The following BRD9 variants were observed in gnomAD, a reference collection of about 807,000 sequenced individuals.
BRD9 encodes bromodomain containing 9.
A neutral mutation model predicts 68.7 loss-of-function variants in BRD9; 47 were observed. That is an observed-to-expected ratio of 0.68 (90% CI 0.54 to 0.87). The LOEUF (loss-of-function observed/expected upper bound fraction) is 0.87. Among genes scored for constraint, BRD9 ranks in the 40% least tolerant of loss-of-function variants. BRD9 has a pLI of 0.00. For synonymous variants in BRD9, 313 were observed against 293.9 expected, an observed-to-expected ratio of 1.06 and a Z score of -0.67; for missense variants, 670 against 748.4, an observed-to-expected ratio of 0.90 and a Z score of 1.22.
In BRD9 at chr5:864,274, T is replaced by C; in HGVS notation, c.*194A>G. 8.3e-6 allele frequency: 4 copies of C among 483,320 alleles called. No homozygotes were observed. The highest frequency in any genetic ancestry group is 5.8e-4 in the Middle Eastern group (1 of 1,712). 29.9% of individuals were successfully genotyped at this position (483,320 alleles called of 1,614,324 possible). A position where few individuals can be genotyped will look rare whatever the true frequency, so the allele number is the denominator to read the frequency against. On this transcript the variant is annotated 3_prime_UTR_variant, in exon 16 of 16. Transcript: ENST00000467963. ...ACGATGGCCATATGGCCTTCGCGTA[T>C]GACTCCACTCCTCAGGGTTCGTGGG...
chr5:890,254 C>T (rs1753165359), intron 3 of BRD9, among the ~76,000 whole-genome samples: 1 of 152,118 alleles, frequency 6.6e-6, no homozygotes, highest in Admixed American at 6.5e-5. Flanking sequence ...CTCAGAAGGC[C>T]ACCAGCTTTC....
At chr5:874,218 C>T (rs967800997) in intron 12 of BRD9, among the ~76,000 whole-genome samples, 7 of 152,360 alleles carry the variant, frequency 4.6e-5, no homozygotes, top group African/African-American at 1.7e-4. Flanking sequence ...CCACCTTAGC[C>T]TCCTGTGGAG....
At chr5:875,667 C>T (rs1750798492) in intron 12 of BRD9, among the ~76,000 whole-genome samples, 2 of 151,968 alleles carry the variant, frequency 1.3e-5, no homozygotes, top group Non-Finnish European at 1.5e-5. Context: ...TTTATAGCAA[C>T]AATGCAAGTC....
intron 13 of BRD9, among the ~76,000 whole-genome samples, chr5:871,088 C>A (rs996917685): frequency 6.6e-6 from 1 of 152,218 alleles, no homozygotes; most frequent in African/African-American, 2.4e-5. Context: ...TGGACCAAAG[C>A]CCAAGCCCAT....
rs767498953 is a variant in BRD9 at position 870,510 on chromosome 5, G to A, written c.1488C>T (p.Pro496=). Residue 496 remains proline (P), a synonymous_variant, in exon 14 of 16, where the codon CCC becomes CCT. Coordinates refer to ENST00000467963, the MANE Select transcript of BRD9 (RefSeq NM_023924.5). ...VLEFMSMKSY[P]DVSVDISMLS... is the part of the protein sequence containing the mutation. ...GCATGGAGATATCCACAGAAACGTC[G>A]GGATAGGACTTCATCGACATGAACT... 13 of 1,614,040 alleles carry A rather than the reference G, an allele frequency of 8.1e-6. No individual in the cohort carries two copies. The Admixed American group carries it at 8.3e-5, about 10-fold the overall frequency.
intron 11 of BRD9, among the ~76,000 whole-genome samples, chr5:876,788 T>C (rs931199150): frequency 6.6e-6 from 1 of 152,156 alleles, no homozygotes; most frequent in African/African-American, 2.4e-5. Flanking sequence ...TCCAAAGACC[T>C]TCACAGAGAG....
At chr5:889,442 C>T (rs1380999382) in intron 4 of BRD9, 145 bp downstream of exon 4, 18 of 912,812 alleles carry the variant, frequency 2.0e-5, no homozygotes, top group Admixed American at 8.3e-5. Flanking sequence ...ACTCTTCCTA[C>T]GCACCCCGAA....
At chr5:888,812 G>C (rs1215096177) in intron 5 of BRD9, among the ~76,000 whole-genome samples, 24 of 152,308 alleles carry the variant, frequency 1.6e-4, no homozygotes, top group Non-Finnish European at 4.4e-5. Flanking sequence ...CTAACAGCGT[G>C]CAACCTGACC....
chr5:882,751 GC>G (rs1194145999), intron 8 of BRD9, among the ~76,000 whole-genome samples: 2 of 145,400 alleles, frequency 1.4e-5, no homozygotes, highest in African/African-American at 5.1e-5. Flanking sequence ...CGCAAGCCAC[GC>G]AAACTGCAAC....
intron 12 of BRD9, among the ~76,000 whole-genome samples, chr5:873,233 A>G (rs1750412064): frequency 6.6e-6 from 1 of 152,174 alleles, no homozygotes; most frequent in Admixed American, 6.5e-5. Flanking sequence ...TGTCTTTCAG[A>G]AACCTGGACC....
chr5:883,773 G>T (rs761817017), intron 8 of BRD9, 165 bp downstream of exon 8: 9 of 997,870 alleles, frequency 9.0e-6, no homozygotes, highest in Non-Finnish European at 1.3e-5. Context: ...CCCGACTGAA[G>T]AGACCAGCCT....
Position 864,309 on chromosome 5 carries a change from C to G in BRD9, c.*159G>C. On this transcript the variant is annotated 3_prime_UTR_variant, in exon 16 of 16. Coordinates refer to ENST00000467963, the MANE Select transcript of BRD9 (RefSeq NM_023924.5). The stretch of plus-strand genomic sequence containing the variant: ...CCTCAGGGTTCGTGGGGCTTGGAGA[C>G]TCTGCTGACATGATACCACAGACAA... The G allele has an allele frequency of 1.8e-6, 1 of 568,566 alleles. No homozygotes were observed. 35.2% of individuals were successfully genotyped at this position (568,566 alleles called of 1,614,324 possible).
intron 4 of BRD9, 42 bp from the exon 5 acceptor site, chr5:889,207 T>C (rs754279407): frequency 1.3e-6 from 2 of 1,582,034 alleles, no homozygotes; most frequent in Non-Finnish European, 1.7e-6. Flanking sequence ...TCTAGATTTC[T>C]AAATGATACA....
In BRD9 at chr5:886,482, G is replaced by C. The variant is rs73733973; in HGVS notation, c.833+110C>G. 9.1e-3 allele frequency: 9,823 copies of C among 1,082,934 alleles called. 510 individuals are homozygous for C. The African/African-American group carries it at 0.12, about 14-fold the overall frequency. 67.1% of individuals were successfully genotyped at this position (1,082,934 alleles called of 1,614,324 possible). A position where few individuals can be genotyped will look rare whatever the true frequency, so the allele number is the denominator to read the frequency against. Reference sequence around the variant, plus strand: ...AATAAGCTACACCAAGAATGTCTATGTGACATGACATCCGTTCTCTCACTC... The same window carrying C: ...AATAAGCTACACCAAGAATGTCTATCTGACATGACATCCGTTCTCTCACTC... On this transcript the variant is annotated intron_variant, in intron 7 of 15. Transcript: ENST00000467963.
intron 14 of BRD9, among the ~76,000 whole-genome samples, chr5:869,682 G>A (rs1215287572): frequency 1.3e-5 from 2 of 152,176 alleles, no homozygotes; most frequent in South Asian, 2.1e-4. Context: ...TGTTAACCAT[G>A]CACATTTCTT....
Position 891,780 on chromosome 5 carries a change from A to G in BRD9, c.127T>C (p.Ser43Pro). ...KVGGSEVTEL[S>P]GSGHDSSYYD... is the part of the protein sequence containing the mutation. ...TAACTGGAGTCGTGGCCGGATCCTGAGAGTTCAGTCACTTCACTTCCTCCG... is the reference window on the plus strand; with the variant it reads ...TAACTGGAGTCGTGGCCGGATCCTGGGAGTTCAGTCACTTCACTTCCTCCG... The change falls in exon 2 of 16, where the codon TCA becomes CCA. Residue 43 changes from serine (S) to proline (P), a missense_variant. Physicochemically the swap from Ser to Pro is moderately conservative, Grantham distance 74. Transcript: ENST00000467963. 1 of 1,551,542 alleles carries G rather than the reference A, an allele frequency of 6.4e-7. No homozygotes were observed. The highest frequency in any genetic ancestry group is 8.7e-7 in the Non-Finnish European group (1 of 1,146,964).
chr5:865,364 C>A, intron 15 of BRD9, 50 bp downstream of exon 15: 1 of 1,515,832 alleles, frequency 6.6e-7, no homozygotes, highest in Non-Finnish European at 8.8e-7. Context: ...AGACGTCACA[C>A]TGACTGTGCT....
At chr5:872,075 C>A (rs1423665005) in intron 12 of BRD9, among the ~76,000 whole-genome samples, 1 of 152,228 alleles carries the variant, frequency 6.6e-6, no homozygotes, top group African/African-American at 2.4e-5. Flanking sequence ...GCGAAGGAGG[C>A]AGACACCTCC....
chr5:888,857 C>T (rs1273544015), intron 5 of BRD9, among the ~76,000 whole-genome samples, 164 bp downstream of exon 5: 2 of 152,148 alleles, frequency 1.3e-5, no homozygotes, highest in African/African-American at 2.4e-5. Context: ...AAAACGTTCA[C>T]GACCAATCAT....
Sources: gnomAD v4.1 joint callset for allele counts (sites outside exome capture counted in the v4.1 genomes callset) on GRCh38, gnomAD v4.1.1 for gene constraint, MANE v1.5 for transcripts, NCBI Gene and HGNC (gene_info 2026-07-23, HGNC 2026-07-21) for gene names.